The following REV3L variants were observed in gnomAD, a reference collection of about 807,000 sequenced individuals.
REV3L encodes REV3 like, DNA directed polymerase zeta catalytic subunit.
In REV3L, 69 loss-of-function variants were observed where a neutral mutation model predicts 299.4. The ratio of observed to expected loss-of-function variants is 0.23; its 90% CI spans 0.19 to 0.28. The LOEUF is 0.28. REV3L is among the 10% of genes least tolerant of loss of function. The pLI is 1.00. For missense variants in REV3L, 3,128 were observed against 3,693.8 expected (o/e 0.85, Z 3.97); for synonymous variants, 1,238 against 1,271.4 (o/e 0.97, Z 0.56).
At chr6:111,389,350 C>A in intron 6 of REV3L, 140 bp from the exon 7 acceptor site, 1 of 645,796 alleles carries the variant, frequency 1.5e-6, no homozygotes, top group Non-Finnish European at 2.7e-6. Context: ...TTATCCCAAC[C>A]TACACTTACT....
At chr6:111,474,269 G>A (rs1006462574) in intron 1 of REV3L, among the ~76,000 whole-genome samples, 5 of 152,280 alleles carry the variant, frequency 3.3e-5, no homozygotes, top group South Asian at 2.1e-4. Context: ...TCAAACGCAC[G>A]TGGTGAGCAG....
At chr6:111,417,072 G>A (rs1784852411) in intron 1 of REV3L, among the ~76,000 whole-genome samples, 1 of 151,820 alleles carries the variant, frequency 6.6e-6, no homozygotes, top group Non-Finnish European at 1.5e-5. Context: ...ATCTATAATG[G>A]ATTTCAGGGT....
rs764304384 is a variant in REV3L at position 111,375,773 on chromosome 6, T to C, written c.2582A>G (p.Asn861Ser). Reference protein sequence around the residue: ...GSTKDNFIQNNPCNSNPEKDN... With the variant: ...GSTKDNFIQNSPCNSNPEKDN... Reference sequence around the variant, plus strand: ...CTTCTCAGGATTACTATTACAAGGATTATTTTGTATAAAATTATCTTTTGT... The same window carrying C: ...CTTCTCAGGATTACTATTACAAGGACTATTTTGTATAAAATTATCTTTTGT... Residue 861 changes from asparagine (N) to serine (S), a missense_variant, in exon 13 of 32, where the codon AAT becomes AGT. Transcript: ENST00000368802. 1 of 1,613,742 alleles carries C rather than the reference T, an allele frequency of 6.2e-7. No individual in the cohort carries two copies. The highest frequency in any genetic ancestry group is 1.1e-5 in the South Asian group (1 of 91,036).
intron 1 of REV3L, chr6:111,472,183 C>A (rs1030722006): frequency 2.6e-5 from 31 of 1,210,852 alleles, no homozygotes; most frequent in Middle Eastern, 2.3e-4. Context: ...TTCTGAGAAA[C>A]TGCGAGTATG....
chr6:111,359,144 C>A, intron 16 of REV3L, 130 bp from the exon 17 acceptor site: 1 of 593,906 alleles, frequency 1.7e-6, no homozygotes, highest in South Asian at 3.3e-5. Context: ...AAAGTCACAG[C>A]TCAGCAGCAC....
intron 18 of REV3L, among the ~76,000 whole-genome samples, chr6:111,355,013 G>A (rs1011880447): frequency 6.6e-6 from 1 of 152,080 alleles, no homozygotes; most frequent in African/African-American, 2.4e-5. Flanking sequence ...ATTTAGGGAA[G>A]AGGAAAAGGG....
At position 111,360,997 on chromosome 6, in the gene REV3L, G is replaced by C. The variant is rs193089252; in HGVS notation, c.6880-1983C>G. On this transcript the variant is annotated intron_variant, in intron 16 of 31. Coordinates refer to ENST00000368802, the MANE Select transcript of REV3L (RefSeq NM_001372078.1). ...CTTCAGAACTTAATTTTAACAATAA[G>C]CATGCATTAATTTAGTAAATAAAAA... Among the ~76,000 whole-genome samples the C allele has an allele frequency of 6.8e-3, 1,036 of 151,774 alleles. 3 individuals are homozygous for C. The highest frequency in any genetic ancestry group is 0.011 in the Non-Finnish European group (779 of 67,940).
rs181801672 is a variant in REV3L at position 111,351,592 on chromosome 6, A to C, written c.7300+84T>G. On this transcript the variant is annotated intron_variant, in intron 19 of 31. Transcript: ENST00000368802. Reference sequence around the variant, plus strand: ...TAGTACTAAAAAATTGGGCTACAGCATAAGTACTCTTTAACATTCTGTCTT... The same window carrying C: ...TAGTACTAAAAAATTGGGCTACAGCCTAAGTACTCTTTAACATTCTGTCTT... 2.9e-6 allele frequency: 3 copies of C among 1,029,234 alleles called. No individual in the cohort carries two copies. In the South Asian group the frequency reaches 4.6e-5, roughly 16 times the overall value. 63.8% of individuals were successfully genotyped at this position (1,029,234 alleles called of 1,614,324 possible). A position where few individuals can be genotyped will look rare whatever the true frequency, so the allele number is the denominator to read the frequency against.
chr6:111,315,517 CT>C, intron 26 of REV3L, 136 bp from the exon 27 acceptor site: 1 of 623,482 alleles, frequency 1.6e-6, no homozygotes, highest in Non-Finnish European at 2.8e-6. Flanking sequence ...CTTTAAGATG[CT>C]TTCTATGTAA....
chr6:111,466,992 A>G (rs976254112), intron 1 of REV3L, among the ~76,000 whole-genome samples: 1 of 152,248 alleles, frequency 6.6e-6, no homozygotes, highest in African/African-American at 2.4e-5. Flanking sequence ...GTAATAAAGC[A>G]GACGCTAAAG....
intron 1 of REV3L, among the ~76,000 whole-genome samples, chr6:111,466,289 C>T (rs1222157548): frequency 6.6e-6 from 1 of 151,982 alleles, no homozygotes; most frequent in East Asian, 1.9e-4. Context: ...CCAAACAACA[C>T]ATCAAAATAT....
In REV3L at chr6:111,373,097, G is replaced by A. The variant is rs575870446; in HGVS notation, c.5258C>T (p.Thr1753Ile). The A allele has an allele frequency of 8.1e-6, 13 of 1,613,994 alleles. No individual in the cohort carries two copies. The highest frequency in any genetic ancestry group is 1.3e-5 in the African/African-American group (1 of 74,890). The stretch of plus-strand genomic sequence containing the variant: ...AGAATCCATTATTGAGTTAGACCGA[G>A]TTGTTAGAGGATGAAAGCTATTTTT... Reference protein sequence around the residue: ...QWKNSFHPLTTRSNSIMDSFC... With the variant: ...QWKNSFHPLTIRSNSIMDSFC... Residue 1753 changes from threonine to isoleucine, a missense_variant, in exon 13 of 32, where the codon ACT becomes ATT. Thr to Ile is a moderately conservative substitution (Grantham distance 89). Coordinates refer to ENST00000368802, the MANE Select transcript of REV3L (RefSeq NM_001372078.1).
At chr6:111,483,369 C>T (rs930643892), upstream of REV3L, 47 of 479,268 alleles carry the variant, frequency 9.8e-5, no homozygotes, top group Admixed American at 3.5e-4. Flanking sequence ...GGGGCTTTCT[C>T]CCCCTCCCCG....
At chr6:111,365,410 C>G in intron 14 of REV3L, 66 bp from the exon 15 acceptor site, 1 of 893,972 alleles carries the variant, frequency 1.1e-6, no homozygotes, top group Non-Finnish European at 1.7e-6. Flanking sequence ...TTTAAAAAAC[C>G]TTTTGTTGTT....
intron 1 of REV3L, among the ~76,000 whole-genome samples, chr6:111,442,065 C>T (rs573914248): frequency 4.0e-4 from 61 of 152,158 alleles, no homozygotes; most frequent in Non-Finnish European, 6.6e-4. Context: ...TTGGTTACGG[C>T]GCTGGTGGTT....
At chr6:111,318,668 T>G (rs1052949916) in intron 26 of REV3L, among the ~76,000 whole-genome samples, 1 of 152,010 alleles carries the variant, frequency 6.6e-6, no homozygotes, top group Non-Finnish European at 1.5e-5. Flanking sequence ...GCCTCCCAAG[T>G]CAAGCGATTC....
At chr6:111,481,921 C>T (rs1041594034) in intron 1 of REV3L, among the ~76,000 whole-genome samples, 1 of 152,164 alleles carries the variant, frequency 6.6e-6, no homozygotes, top group Non-Finnish European at 1.5e-5. Context: ...TATACCTGTA[C>T]TTAAAACGCA....
intron 1 of REV3L, among the ~76,000 whole-genome samples, chr6:111,474,636 ACCCT>A (rs1015711591): frequency 6.6e-6 from 1 of 152,146 alleles, no homozygotes; most frequent in Non-Finnish European, 1.5e-5. Context: ...TACTAGGACT[ACCCT>A]TCTGTGAGCC....
intron 4 of REV3L, among the ~76,000 whole-genome samples, chr6:111,403,713 T>C (rs1783328814): frequency 6.6e-6 from 1 of 152,200 alleles, no homozygotes; most frequent in Non-Finnish European, 1.5e-5. Flanking sequence ...AACCCTACAA[T>C]GGCCTCTAAA....
Sources: allele counts gnomAD v4.1 joint callset (sites outside exome capture counted in the v4.1 genomes callset), GRCh38; gene constraint gnomAD v4.1.1; transcripts MANE v1.5; gene names NCBI Gene and HGNC (gene_info 2026-07-23, HGNC 2026-07-21).